ZNF782: variants seen among roughly 807,000 people sequenced by gnomAD.
ZNF782 encodes zinc finger protein 782.
A neutral mutation model predicts 13.0 loss-of-function variants in ZNF782; 12 were observed. The observed-to-expected ratio is 0.92, with a 90% CI of 0.59 to 1.50. The LOEUF (loss-of-function observed/expected upper bound fraction) is 1.50, where lower values mean the gene tolerates loss of function less well. Ranked by LOEUF, ZNF782 falls within the 40% of genes most tolerant of loss-of-function variation. ZNF782 has a pLI of 0.00. For missense variants in ZNF782, 770 were observed against 822.9 expected, an observed-to-expected ratio of 0.94 and a Z score of 0.79; for synonymous variants, 284 against 283.0, an observed-to-expected ratio of 1.00 and a Z score of -0.04.
chr9:96,845,672 C>G (rs774813835), intron 3 of ZNF782, among the ~76,000 whole-genome samples: 1 of 152,016 alleles, frequency 6.6e-6, no homozygotes, highest in Non-Finnish European at 1.5e-5. Flanking sequence ...TAAAAAGAAA[C>G]GAACAAAGTC....
chr9:96,874,970 A>C (rs1236227113), intron 1 of ZNF782, among the ~76,000 whole-genome samples: 1 of 152,212 alleles, frequency 6.6e-6, no homozygotes, highest in African/African-American at 2.4e-5. Flanking sequence ...AGCCTAAAAT[A>C]TATCTGACAC....
At chr9:96,877,872 C>G (rs1013207230), upstream of ZNF782, among the ~76,000 whole-genome samples, 4 of 152,196 alleles carry the variant, frequency 2.6e-5, no homozygotes, top group Non-Finnish European at 5.9e-5. Context: ...CTTATTAATA[C>G]TCAAATACCC....
At chr9:96,929,819 G>A in the ZNF782 span, among the ~76,000 whole-genome samples, 1 of 151,956 alleles carries the variant, frequency 6.6e-6, no homozygotes, top group Non-Finnish European at 1.5e-5. Context: ...GTGTTACTGT[G>A]GAGGTGAAGA....
Position 96,818,338 on chromosome 9 carries a change from T to C in ZNF782, c.1685A>G (p.Tyr562Cys), listed in dbSNP as rs1369897210. ...HHRIHTGEKPYKCNHCGEAFS... is the reference protein window; with the variant it reads ...HHRIHTGEKPCKCNHCGEAFS... The stretch of plus-strand genomic sequence containing the variant: ...AGCTTCCCCACAATGATTACATTTA[T>C]AGGGTTTTTCCCCTGTGTGAATTCT... Residue 562 changes from tyrosine to cysteine, a missense_variant, in exon 6 of 6, where the codon TAT becomes TGT. Coordinates refer to ENST00000481138, the MANE Select transcript of ZNF782 (RefSeq NM_001001662.3). 1.9e-6 allele frequency: 3 copies of C among 1,614,230 alleles called. No homozygotes were observed. Among genetic ancestry groups the C allele is most frequent in the Non-Finnish European group, 1.7e-6 (2 of 1,180,038 alleles).
chr9:96,858,696 G>T (rs891088447), upstream of ZNF782, among the ~76,000 whole-genome samples: 2 of 151,962 alleles, frequency 1.3e-5, no homozygotes, highest in Non-Finnish European at 2.9e-5. The surrounding 1 kb of genome is among the most constrained non-coding windows in gnomAD (Gnocchi z 4.4). Flanking sequence ...AGTGGCGCGA[G>T]GTTTTGTTTG....
At chr9:96,903,555 GGTTTTTTTTT>G in the ZNF782 span, among the ~76,000 whole-genome samples, 1 of 84,620 alleles carries the variant, frequency 1.2e-5, no homozygotes, top group Non-Finnish European at 2.3e-5. Context: ...ATTTTATGTT[GGTTTTTTTTT>G]TTTTTTTTTT....
intron 1 of ZNF782, among the ~76,000 whole-genome samples, chr9:96,866,585 G>A (rs537550019): frequency 3.3e-5 from 5 of 152,326 alleles, no homozygotes; most frequent in East Asian, 1.9e-4. Flanking sequence ...ATACAGAGTC[G>A]CTACCTGGGC....
chr9:96,847,350 C>CA (rs1333967961), intron 3 of ZNF782, among the ~76,000 whole-genome samples: 16 of 151,818 alleles, frequency 1.1e-4, no homozygotes, highest in Admixed American at 2.6e-4. Flanking sequence ...GAAATTCAAA[C>CA]AAAAAAACCC....
chr9:96,916,535 G>A, the ZNF782 span, among the ~76,000 whole-genome samples: 2 of 152,018 alleles, frequency 1.3e-5, 1 homozygote, highest in Middle Eastern at 6.8e-3. Flanking sequence ...AACGCCTTCC[G>A]TCAAAAAGAA....
intron 4 of ZNF782, among the ~76,000 whole-genome samples, chr9:96,830,895 T>C (rs1374841266): frequency 6.6e-6 from 1 of 152,172 alleles, no homozygotes; most frequent in Non-Finnish European, 1.5e-5. Context: ...AAGTAGGTAT[T>C]TTAGAGTTGA....
the ZNF782 span, among the ~76,000 whole-genome samples, chr9:96,914,461 T>C: frequency 6.6e-6 from 1 of 151,840 alleles, no homozygotes; most frequent in Non-Finnish European, 1.5e-5. Context: ...TAATTTATGC[T>C]CTACTGACGG....
At chr9:96,929,070 A>T in the ZNF782 span, 1 of 1,610,834 alleles carries the variant, frequency 6.2e-7, no homozygotes. Flanking sequence ...GCATTATCCT[A>T]GTCTGCCTTG....
chr9:96,830,256 T>C (rs1035517966), intron 4 of ZNF782, among the ~76,000 whole-genome samples: 4 of 152,166 alleles, frequency 2.6e-5, no homozygotes, highest in Non-Finnish European at 4.4e-5. Context: ...AGTGGGGAAC[T>C]CAAATGTCTG....
At chr9:96,897,830 C>T in the ZNF782 span, 1 of 151,822 alleles carries the variant, frequency 6.6e-6, no homozygotes, top group East Asian at 1.9e-4. Context: ...GTCTTGGTTT[C>T]CTAAGCATCT....
chr9:96,902,692 T>C, the ZNF782 span, among the ~76,000 whole-genome samples: 1 of 143,702 alleles, frequency 7.0e-6, no homozygotes, highest in East Asian at 2.1e-4. Context: ...AACATTTTTA[T>C]TGTATTCATG....
chr9:96,888,212 T>C, the ZNF782 span: 5 of 150,264 alleles, frequency 3.3e-5, no homozygotes, highest in Admixed American at 3.3e-4. Context: ...TTAAAATAAA[T>C]GTACCATGCA....
chr9:96,876,521 G>A (rs1286548691), upstream of ZNF782, among the ~76,000 whole-genome samples: 2 of 152,120 alleles, frequency 1.3e-5, no homozygotes, highest in Admixed American at 6.5e-5. Flanking sequence ...TCAACTCAAA[G>A]CAGCCCCTAG....
intron 5 of ZNF782, among the ~76,000 whole-genome samples, chr9:96,824,830 T>G (rs1850559511): frequency 6.7e-6 from 1 of 148,968 alleles, no homozygotes; most frequent in Non-Finnish European, 1.5e-5. Flanking sequence ...ATAAAATACC[T>G]AGGAATCCAA....
chr9:96,899,536 C>T, the ZNF782 span, among the ~76,000 whole-genome samples: 2 of 152,220 alleles, frequency 1.3e-5, no homozygotes, highest in African/African-American at 4.8e-5. Flanking sequence ...ATACCTGAAA[C>T]CAGGTAATTT....
Sources: gnomAD v4.1 joint callset for allele counts (sites outside exome capture counted in the v4.1 genomes callset) on GRCh38, gnomAD v4.1.1 for gene constraint, Gnocchi (gnomAD v3.1) non-coding constraint, MANE v1.5 for transcripts, NCBI Gene and HGNC (gene_info 2026-07-23, HGNC 2026-07-21) for gene names.